Variants in SLC38A4 observed in about 807,000 individuals in gnomAD.
SLC38A4 encodes solute carrier family 38 member 4, also known as sodium-coupled neutral amino acid transporter 4.
Under a neutral mutation model 63.1 loss-of-function variants are expected in SLC38A4, and 20 were observed. The ratio of observed to expected loss-of-function variants is 0.32; its 90% CI spans 0.22 to 0.46. SLC38A4 has a LOEUF of 0.46. Among genes scored for constraint, SLC38A4 ranks in the 20% least tolerant of loss-of-function variants. The pLI is 1.00. For synonymous variants in SLC38A4, 230 were observed against 225.5 expected, an observed-to-expected ratio of 1.02 and a Z score of -0.18; for missense variants, 526 against 663.6, an observed-to-expected ratio of 0.79 and a Z score of 2.28.
chr12:46,821,092 T>C (rs1939536740), intron 1 of SLC38A4, among the ~76,000 whole-genome samples: 1 of 152,152 alleles, frequency 6.6e-6, no homozygotes, highest in Non-Finnish European at 1.5e-5. Flanking sequence ...TTGCAAATAC[T>C]TTCTCCCATT....
At chr12:46,807,891 C>CCG (rs1173990345) in intron 1 of SLC38A4, among the ~76,000 whole-genome samples, 1 of 14,486 alleles carries the variant, frequency 6.9e-5, no homozygotes, top group Non-Finnish European at 1.8e-4. Flanking sequence ...TAAATGTTAC[C>CCG]CCCCCCCCCA....
rs149795959 is a variant in SLC38A4, at chr12:46,808,275, A to G, written c.-304-4481T>C. Among the ~76,000 whole-genome samples, 487 of 151,966 alleles carry G rather than the reference A, an allele frequency of 3.2e-3. 4 individuals are homozygous for G. Among genetic ancestry groups the G allele is most frequent in the African/African-American group, 0.011 (462 of 41,492 alleles). ...ATTTTCCATTCTAAGAAACCCCACC[A>G]AGTGAAATGCAATGACCCACAAGTT... On this transcript the variant is annotated intron_variant, in intron 1 of 16. Coordinates refer to ENST00000266579, the MANE Select transcript of SLC38A4 (RefSeq NM_018018.5).
chr12:46,804,177 C>G (rs1404567486), intron 1 of SLC38A4, among the ~76,000 whole-genome samples: 2 of 151,890 alleles, frequency 1.3e-5, no homozygotes, highest in Non-Finnish European at 2.9e-5. Flanking sequence ...ACAAATACTT[C>G]CAAACGGTAC....
chr12:46,814,011 G>A (rs1467486109), intron 1 of SLC38A4, among the ~76,000 whole-genome samples: 4 of 151,882 alleles, frequency 2.6e-5, no homozygotes, highest in African/African-American at 4.8e-5. Context: ...CAAATATTCC[G>A]GAACTCAGTT....
At position 46,766,245 on chromosome 12, in the gene SLC38A4, T is replaced by C. The variant is rs1011868125; in HGVS notation, c.*456A>G. ...TCTGTTAGTAAACAGACCAGAGACT[T>C]TGGTGCAAGACTGAGAGAAGACATT... On this transcript the variant is annotated 3_prime_UTR_variant, in exon 17 of 17. Transcript: ENST00000266579. 14 of 386,736 alleles carry C rather than the reference T, an allele frequency of 3.6e-5. No homozygotes were observed. Among genetic ancestry groups the C allele is most frequent in the African/African-American group, 2.9e-4 (14 of 47,892 alleles). 24.0% of individuals were successfully genotyped at this position (386,736 alleles called of 1,614,324 possible).
At chr12:46,832,146 T>A (rs536912707) in intron 1 of SLC38A4, among the ~76,000 whole-genome samples, 1 of 152,214 alleles carries the variant, frequency 6.6e-6, no homozygotes, top group East Asian at 1.9e-4. Context: ...TTAGGAACTA[T>A]GAGCATGTCA....
At chr12:46,805,556 A>G (rs983850775) in intron 1 of SLC38A4, among the ~76,000 whole-genome samples, 1 of 152,080 alleles carries the variant, frequency 6.6e-6, no homozygotes, top group Non-Finnish European at 1.5e-5. Flanking sequence ...CTTAATCATT[A>G]TAATTATAAT....
rs539645374 is a variant in SLC38A4, at chr12:46,773,969, T to C, written c.1299+1080A>G. On this transcript the variant is annotated intron_variant, in intron 14 of 16. Coordinates refer to ENST00000266579, the MANE Select transcript of SLC38A4 (RefSeq NM_018018.5). The stretch of plus-strand genomic sequence containing the variant: ...AGTGAAGTTGTTTGCCTGGCAATTT[T>C]ACCCTATCGTATACCTTCTGTTTAT... Among the ~76,000 whole-genome samples, 7 of 152,212 alleles carry C rather than the reference T, an allele frequency of 4.6e-5. 1 individual carries two copies. The highest frequency in any genetic ancestry group is 1.4e-4 in the African/African-American group (6 of 41,556).
intron 13 of SLC38A4, among the ~76,000 whole-genome samples, chr12:46,775,998 T>C (rs1237669571): frequency 6.6e-6 from 1 of 151,992 alleles, no homozygotes; most frequent in Non-Finnish European, 1.5e-5. Context: ...ACATGTTTGG[T>C]TAATAGTCAA....
chr12:46,772,830 T>C (rs11183608), intron 14 of SLC38A4, among the ~76,000 whole-genome samples: 28,448 of 151,994 alleles, frequency 0.19, 2,834 homozygotes, highest in South Asian at 0.23. Context: ...TAGATTTTAA[T>C]TCAGATTAGG....
intron 1 of SLC38A4, among the ~76,000 whole-genome samples, chr12:46,819,608 G>A (rs1306571797): frequency 6.6e-6 from 1 of 151,784 alleles, no homozygotes; most frequent in African/African-American, 2.4e-5. Flanking sequence ...AGATCGTCTT[G>A]GAAATAATTT....
intron 1 of SLC38A4, among the ~76,000 whole-genome samples, chr12:46,806,415 A>G (rs1939233152): frequency 6.6e-6 from 1 of 151,736 alleles, no homozygotes; most frequent in African/African-American, 2.4e-5. Flanking sequence ...AATGTAGGAG[A>G]GATGATGGTG....
chr12:46,777,826 G>A (rs1222469474), intron 12 of SLC38A4, among the ~76,000 whole-genome samples: 2 of 151,952 alleles, frequency 1.3e-5, no homozygotes. Flanking sequence ...AGACAACAAA[G>A]GACAGATATT....
At position 46,779,792 on chromosome 12, in the gene SLC38A4, G is replaced by T. The variant is rs779165138; in HGVS notation, c.646C>A (p.Leu216Ile). ...AAAATATCTTTACCTAAATTTTTAA[G>T]GAGCGAAAGTGGAAGAATAATTCCA... ...SVGIILPLSL[L>I]KNLGYLGYTS... Residue 216 changes from leucine to isoleucine, a missense_variant, in exon 9 of 17, where the codon CTT (leucine) becomes ATT (isoleucine). Leu to Ile is a conservative substitution (Grantham distance 5). Transcript: ENST00000266579. 1.2e-6 allele frequency: 2 copies of T among 1,608,004 alleles called. No homozygotes were observed. The highest frequency in any genetic ancestry group is 2.2e-5 in the South Asian group (2 of 89,530).
chr12:46,812,768 A>C (rs1158421582), intron 1 of SLC38A4, among the ~76,000 whole-genome samples: 1 of 151,982 alleles, frequency 6.6e-6, no homozygotes, highest in South Asian at 2.1e-4. Context: ...TGGATTAAAA[A>C]CCTTAACAAT....
intron 2 of SLC38A4, among the ~76,000 whole-genome samples, chr12:46,797,601 C>A (rs1939041228): frequency 6.6e-6 from 1 of 152,118 alleles, no homozygotes; most frequent in African/African-American, 2.4e-5. Flanking sequence ...ATCATGAAAG[C>A]CAATTCCCAT....
intron 1 of SLC38A4, among the ~76,000 whole-genome samples, chr12:46,817,871 T>A (rs1452867384): frequency 1.3e-5 from 2 of 151,950 alleles, no homozygotes; most frequent in African/African-American, 4.8e-5. Flanking sequence ...TTAGTAAAAT[T>A]ACTTAGATAT....
At chr12:46,808,792 T>C (rs1397135606) in intron 1 of SLC38A4, among the ~76,000 whole-genome samples, 1 of 152,072 alleles carries the variant, frequency 6.6e-6, no homozygotes, top group Non-Finnish European at 1.5e-5. Context: ...CTTTAAAGAA[T>C]AATTTCTAGC....
At chr12:46,773,735 C>T (rs1376915791) in intron 14 of SLC38A4, among the ~76,000 whole-genome samples, 1 of 152,048 alleles carries the variant, frequency 6.6e-6, no homozygotes, top group Non-Finnish European at 1.5e-5. Flanking sequence ...TGAACTGTTA[C>T]CAGCTGTCTG....
Sources: gnomAD v4.1 joint callset for allele counts (sites outside exome capture counted in the v4.1 genomes callset) on GRCh38, gnomAD v4.1.1 for gene constraint, MANE v1.5 for transcripts, NCBI Gene and HGNC (gene_info 2026-07-23, HGNC 2026-07-21) for gene names.